GNG12: variants seen among roughly 807,000 people sequenced by gnomAD.
The protein encoded by GNG12 is guanine nucleotide-binding protein G(I)/G(S)/G(O) subunit gamma-12.
For synonymous variants in GNG12, 28 were observed against 29.7 expected (o/e 0.94, Z 0.19); for missense variants, 69 against 83.8 (o/e 0.82, Z 0.69).
chr1:67,710,143 T>G (rs1257230164), intron 2 of GNG12, among the ~76,000 whole-genome samples: 2 of 18,782 alleles, frequency 1.1e-4, no homozygotes, highest in African/African-American at 3.0e-4. Flanking sequence ...TATAGTTATA[T>G]ATATATAGTT....
intron 3 of GNG12, among the ~76,000 whole-genome samples, chr1:67,706,697 C>T (rs1458123591): frequency 2.7e-5 from 4 of 150,662 alleles, no homozygotes; most frequent in African/African-American, 9.8e-5. Context: ...TTCTTGTTGC[C>T]CAGGCTGGAG....
chr1:67,758,255 T>G (rs1474843618), intron 2 of GNG12, among the ~76,000 whole-genome samples: 1 of 152,242 alleles, frequency 6.6e-6, no homozygotes, highest in African/African-American at 2.4e-5. Context: ...ATTACAGGTG[T>G]GAGCCACTGC....
At chr1:67,760,404 A>T (rs184234550) in intron 2 of GNG12, among the ~76,000 whole-genome samples, 2,596 of 148,600 alleles carry the variant, frequency 0.017, 83 homozygotes, top group African/African-American at 0.065. Context: ...ATTTTTATTT[A>T]TTTTTTGCTT....
At chr1:67,823,598 C>A (rs1557628824) in intron 1 of GNG12, among the ~76,000 whole-genome samples, 2 of 152,294 alleles carry the variant, frequency 1.3e-5, no homozygotes, top group South Asian at 2.1e-4. Flanking sequence ...CACTCATAAT[C>A]AAAAATATTT....
chr1:67,744,564 C>T (rs571539744), intron 2 of GNG12, among the ~76,000 whole-genome samples: 8 of 152,274 alleles, frequency 5.3e-5, no homozygotes, highest in African/African-American at 1.7e-4. Context: ...CTTAGTGCAG[C>T]GCCATGGAAA....
intron 1 of GNG12, among the ~76,000 whole-genome samples, chr1:67,812,417 C>T (rs1338406373): frequency 6.6e-6 from 1 of 152,158 alleles, no homozygotes; most frequent in East Asian, 1.9e-4. Context: ...AGACTATGTG[C>T]CCTGCTAAAG....
Position 67,752,801 on chromosome 1 carries a change from C to T in GNG12, c.-27+24657G>A, listed in dbSNP as rs146533647. Among the ~76,000 whole-genome samples, 485 of 152,264 alleles carry T rather than the reference C, an allele frequency of 3.2e-3. 6 individuals are homozygous for T. The highest frequency in any genetic ancestry group is 4.0e-3 in the Non-Finnish European group (272 of 68,026). On this transcript the variant is annotated intron_variant, in intron 2 of 3. Transcript: ENST00000370982. The stretch of plus-strand genomic sequence containing the variant: ...TTCTCTCTATACTTCTTAGCTAATT[C>T]CTCCACTAATCTGAGCTACAAATAA...
intron 1 of GNG12, among the ~76,000 whole-genome samples, chr1:67,816,354 T>C (rs1030459749): frequency 1.3e-5 from 2 of 151,860 alleles, no homozygotes; most frequent in South Asian, 2.1e-4. Flanking sequence ...GGAAGGGAAA[T>C]GTATTGGGAA....
At chr1:67,713,929 G>A (rs1646310467) in intron 2 of GNG12, among the ~76,000 whole-genome samples, 1 of 152,220 alleles carries the variant, frequency 6.6e-6, no homozygotes, top group Admixed American at 6.5e-5. Context: ...GAATTTCAAG[G>A]TAATGTGACC....
intron 1 of GNG12, among the ~76,000 whole-genome samples, chr1:67,793,019 C>T (rs1472869568): frequency 6.6e-6 from 1 of 152,146 alleles, no homozygotes; most frequent in East Asian, 1.9e-4. Flanking sequence ...ACAGTGAATA[C>T]CACCCCACAG....
intron 1 of GNG12, among the ~76,000 whole-genome samples, chr1:67,817,858 C>T (rs960786247): frequency 6.9e-6 from 1 of 144,116 alleles, no homozygotes; most frequent in Non-Finnish European, 1.5e-5. Flanking sequence ...GCAATCATGG[C>T]TCACTGCAGC....
rs114574408 is a variant in GNG12, at chr1:67,751,710, T to C, written c.-27+25748A>G. 8.5e-4 allele frequency among the ~76,000 whole-genome samples: 129 copies of C among 152,288 alleles called. 1 individual carries two copies. The highest frequency in any genetic ancestry group is 1.6e-3 in the Non-Finnish European group (109 of 68,034). On this transcript the variant is annotated intron_variant, in intron 2 of 3. Coordinates refer to ENST00000370982, the MANE Select transcript of GNG12 (RefSeq NM_018841.6). ...ATAGCATCCTGAAAAGAAATCTAAG[T>C]GATTTTCCAGCATGGCTTGTGAGAC...
chr1:67,823,384 T>C (rs1311175917), intron 1 of GNG12, among the ~76,000 whole-genome samples: 4 of 152,198 alleles, frequency 2.6e-5, no homozygotes, highest in Non-Finnish European at 4.4e-5. Flanking sequence ...GCAACTGGCA[T>C]AAAACCCTAC....
intron 2 of GNG12, among the ~76,000 whole-genome samples, chr1:67,776,274 C>T (rs1445493554): frequency 6.6e-6 from 1 of 152,090 alleles, no homozygotes; most frequent in Non-Finnish European, 1.5e-5. Flanking sequence ...AATCTAAGTC[C>T]TCTCACACTC....
Position 67,703,234 on chromosome 1 carries a change from T to G in GNG12, c.*2217A>C, listed in dbSNP as rs1646225960. The G allele has an allele frequency of 6.6e-6, 1 of 152,158 alleles. No homozygotes were observed. Among genetic ancestry groups the G allele is most frequent in the African/African-American group, 2.4e-5 (1 of 41,428 alleles). 9.4% of individuals were successfully genotyped at this position (152,158 alleles called of 1,614,324 possible). A position where few individuals can be genotyped will look rare whatever the true frequency, so the allele number is the denominator to read the frequency against. On this transcript the variant is annotated 3_prime_UTR_variant, in exon 4 of 4. Coordinates refer to ENST00000370982, the MANE Select transcript of GNG12 (RefSeq NM_018841.6). ...TGACCAGGGTGAATAAAATGAAATC[T>G]CCTGGGACCTCAAGTCCATTTCTTA...
chr1:67,813,748 T>C (rs1646938968), intron 1 of GNG12, among the ~76,000 whole-genome samples: 1 of 152,158 alleles, frequency 6.6e-6, no homozygotes, highest in African/African-American at 2.4e-5. Flanking sequence ...CTGGAAGAAT[T>C]TGCAGAAGGC....
At chr1:67,775,417 A>G (rs1199330464) in intron 2 of GNG12, among the ~76,000 whole-genome samples, 1 of 152,262 alleles carries the variant, frequency 6.6e-6, no homozygotes, top group Non-Finnish European at 1.5e-5. Flanking sequence ...AAGCAAAAAA[A>G]TAAAGAATCA....
chr1:67,822,231 T>C (rs1646988683), intron 1 of GNG12, among the ~76,000 whole-genome samples: 1 of 152,016 alleles, frequency 6.6e-6, no homozygotes, highest in South Asian at 2.1e-4. Context: ...GTGTATTTTA[T>C]GTGTGGCCCA....
intron 1 of GNG12, among the ~76,000 whole-genome samples, chr1:67,821,094 G>C (rs1281074127): frequency 2.0e-5 from 3 of 152,186 alleles, no homozygotes; most frequent in African/African-American, 7.2e-5. Context: ...CACATTTTAA[G>C]ATCCCTGATA....
Sources: gnomAD v4.1 joint callset for allele counts (sites outside exome capture counted in the v4.1 genomes callset) on GRCh38, gnomAD v4.1.1 for gene constraint, MANE v1.5 for transcripts, NCBI Gene and HGNC (gene_info 2026-07-23, HGNC 2026-07-21) for gene names.